The following FBLN1 variants were observed in gnomAD, a reference collection of about 807,000 sequenced individuals.
The protein encoded by FBLN1 is fibulin-1.
FBLN1 carries 34 observed loss-of-function variants against 89.7 expected under a neutral mutation model. That is an observed-to-expected ratio of 0.38 (90% CI 0.29 to 0.50). The LOEUF is 0.50. Ranked by LOEUF, FBLN1 falls within the 20% of genes least tolerant of loss-of-function variation. The pLI is 0.92. For synonymous variants in FBLN1, 393 were observed against 391.3 expected (o/e 1.00, Z -0.05); for missense variants, 777 against 988.1 (o/e 0.79, Z 2.86).
Position 45,557,935 on chromosome 22 carries a change from AT to A in FBLN1, c.1697+7323del. 1.6e-6 allele frequency: 1 copy of A among 642,392 alleles called. No individual in the cohort carries two copies. The highest frequency in any genetic ancestry group is 2.9e-6 in the Non-Finnish European group (1 of 342,730). The allele number at this position is 642,392 out of a possible 1,614,324, so 39.8% of individuals were successfully genotyped here. A position where few individuals can be genotyped will look rare whatever the true frequency, so the allele number is the denominator to read the frequency against. ...GCTTGAAGTTCTGCCCACTGGGAAGATTTCCCTTTGCCACTGTCCTTCAGGG... is the reference window on the plus strand; with the variant it reads ...GCTTGAAGTTCTGCCCACTGGGAAGATTCCCTTTGCCACTGTCCTTCAGGG... On this transcript the variant is annotated intron_variant, in intron 14 of 16. Coordinates refer to ENST00000327858, the MANE Select transcript of FBLN1 (RefSeq NM_006486.3). The surrounding 1 kb of genome is among the most constrained non-coding windows in gnomAD (Gnocchi z 4.9).
rs1172470964 is a variant in FBLN1, at chr22:45,556,471, G to GACCCA, written c.1697+5858_1697+5862dup. Reference sequence around the variant, plus strand: ...TGTTTTTTTTTTTTCCTGGTGGAGTGACCCAAACCTTCATTCCTGAAGGGT... The same window carrying GACCCA: ...TGTTTTTTTTTTTTCCTGGTGGAGTGACCCAACCCAAACCTTCATTCCTGAAGGGT... On this transcript the variant is annotated intron_variant, in intron 14 of 16. Coordinates refer to ENST00000327858, the MANE Select transcript of FBLN1 (RefSeq NM_006486.3). The surrounding 1 kb of genome is among the most constrained non-coding windows in gnomAD (Gnocchi z 4.6). Among the ~76,000 whole-genome samples the GACCCA allele has an allele frequency of 6.6e-6, 1 of 151,360 alleles. No individual in the cohort carries two copies. The highest frequency in any genetic ancestry group is 2.1e-4 in the South Asian group (1 of 4,796).
chr22:45,531,308 G>A lies in FBLN1; in HGVS notation c.528G>A (p.Leu176=), dbSNP rs779677494. 1 of 1,614,004 alleles carries A rather than the reference G, an allele frequency of 6.2e-7. No homozygotes were observed. The highest frequency in any genetic ancestry group is 8.5e-7 in the Non-Finnish European group (1 of 1,179,926). The change falls in exon 5 of 17, where the codon CTG becomes CTA. Residue 176 remains leucine, a synonymous_variant. Transcript: ENST00000327858. The surrounding 1 kb of genome is among the most constrained non-coding windows in gnomAD (Gnocchi z 4.9). ...EVEEEQEDPY[L]NDRCRGGGPC... ...AGGAGGAACAAGAGGACCCATATCTGAATGACCGCTGCCGAGGTGAGACTC... is the reference window on the plus strand; with the variant it reads ...AGGAGGAACAAGAGGACCCATATCTAAATGACCGCTGCCGAGGTGAGACTC...
intron 1 of FBLN1, among the ~76,000 whole-genome samples, chr22:45,506,980 G>A (rs2088030297): frequency 6.6e-6 from 1 of 152,196 alleles, no homozygotes; most frequent in African/African-American, 2.4e-5. Flanking sequence ...TCCTTTCGTA[G>A]GCCCCATATG....
At position 45,578,984 on chromosome 22, in the gene FBLN1, G is replaced by A. The variant is rs774007777; in HGVS notation, c.1972+1876G>A. 4.6e-5 allele frequency among the ~76,000 whole-genome samples: 7 copies of A among 152,346 alleles called. No homozygotes were observed. In the South Asian group the frequency reaches 6.2e-4, roughly 14 times the overall value. The stretch of plus-strand genomic sequence containing the variant: ...TATCAGATCATCAAAATATGATGCC[G>A]AAATAGGCATGCACAGAGACAGGCC... On this transcript the variant is annotated intron_variant, in intron 16 of 16. Coordinates refer to ENST00000327858, the MANE Select transcript of FBLN1 (RefSeq NM_006486.3). This position sits in a 1 kb window ranked among gnomAD's most constrained non-coding sequence, Gnocchi z 4.6.
intron 1 of FBLN1, among the ~76,000 whole-genome samples, chr22:45,518,071 G>A (rs2088193345): frequency 6.8e-6 from 1 of 147,116 alleles, no homozygotes; most frequent in Non-Finnish European, 1.5e-5. Flanking sequence ...GGTGGAGGTT[G>A]CAGTGAGCTC....
rs1601535776 is a variant in FBLN1, at chr22:45,579,886, C to G, written c.1972+2778C>G. On this transcript the variant is annotated intron_variant, in intron 16 of 16. Transcript: ENST00000327858. The surrounding 1 kb of genome is among the most constrained non-coding windows in gnomAD (Gnocchi z 5.5). ...TTCCTGGTCCCTAGGGGCAGCCATCCCGGCACACGGCTCCTGGCCTGTCCA... is the reference window on the plus strand; with the variant it reads ...TTCCTGGTCCCTAGGGGCAGCCATCGCGGCACACGGCTCCTGGCCTGTCCA... 1.3e-5 allele frequency among the ~76,000 whole-genome samples: 2 copies of G among 152,192 alleles called. No individual in the cohort carries two copies. Among genetic ancestry groups the G allele is most frequent in the Admixed American group, 1.3e-4 (2 of 15,300 alleles).
At position 45,579,061 on chromosome 22, in the gene FBLN1, T is replaced by G. The variant is rs2089022025; in HGVS notation, c.1972+1953T>G. ...GGGAAGTCTCCTGGCAGGTTTTACG[T>G]CTTTAGTTCCCACCTACATCCTTCC... On this transcript the variant is annotated intron_variant, in intron 16 of 16. Coordinates refer to ENST00000327858, the MANE Select transcript of FBLN1 (RefSeq NM_006486.3). The surrounding 1 kb of genome is among the most constrained non-coding windows in gnomAD (Gnocchi z 5.5). Among the ~76,000 whole-genome samples the G allele has an allele frequency of 6.6e-6, 1 of 152,160 alleles. No homozygotes were observed. Among genetic ancestry groups the G allele is most frequent in the Non-Finnish European group, 1.5e-5 (1 of 68,034 alleles).
At chr22:45,555,676 A>G (rs1220043847) in intron 14 of FBLN1, among the ~76,000 whole-genome samples, 1 of 152,098 alleles carries the variant, frequency 6.6e-6, no homozygotes, top group African/African-American at 2.4e-5. Context: ...GTATCCTTCA[A>G]TCCAATCAAG....
At position 45,557,353 on chromosome 22, in the gene FBLN1, A is replaced by T. The variant is rs1362443216; in HGVS notation, c.1697+6738A>T. ...AGGACAAACCTCTGCCATTTCCATG[A>T]TGGAAGAGGTCCAGTATAATCAACC... On this transcript the variant is annotated intron_variant, in intron 14 of 16. Coordinates refer to ENST00000327858, the MANE Select transcript of FBLN1 (RefSeq NM_006486.3). The surrounding 1 kb of genome is among the most constrained non-coding windows in gnomAD (Gnocchi z 4.9). Among the ~76,000 whole-genome samples the T allele has an allele frequency of 6.6e-6, 1 of 152,184 alleles. No homozygotes were observed. The highest frequency in any genetic ancestry group is 1.5e-5 in the Non-Finnish European group (1 of 68,026).
At chr22:45,596,526 A>G (rs1411007782) in intron 16 of FBLN1, among the ~76,000 whole-genome samples, 1 of 151,326 alleles carries the variant, frequency 6.6e-6, no homozygotes, top group Non-Finnish European at 1.5e-5. Context: ...AAATATAGAC[A>G]TTTAAGATAA....
At chr22:45,534,178 G>A (rs562941439) in intron 7 of FBLN1, among the ~76,000 whole-genome samples, 6 of 148,506 alleles carry the variant, frequency 4.0e-5, no homozygotes, top group South Asian at 4.3e-4. Flanking sequence ...AAAGATTTAC[G>A]TTCTTATGGT....
rs777461725 is a variant in FBLN1, at chr22:45,563,269, A to G, written c.1698-11242A>G. On this transcript the variant is annotated intron_variant, in intron 14 of 16. Transcript: ENST00000327858. This position sits in a 1 kb window ranked among gnomAD's most constrained non-coding sequence, Gnocchi z 5.7. ...TCTTTGTGTCTGCAGAGCTCTGAGC[A>G]CTCGCTTCGCGTCGCGGGGTCTCCC... 4.3e-6 allele frequency: 7 copies of G among 1,613,420 alleles called. No individual in the cohort carries two copies. The South Asian group carries it at 4.4e-5, about 10-fold the overall frequency.
rs1920925425 is a variant in FBLN1 at position 45,600,503 on chromosome 22, T to G, written c.*57T>G. The G allele has an allele frequency of 6.2e-7, 1 of 1,606,698 alleles. No homozygotes were observed. The highest frequency in any genetic ancestry group is 1.3e-5 in the African/African-American group (1 of 74,770). On this transcript the variant is annotated 3_prime_UTR_variant, in exon 17 of 17. Transcript: ENST00000327858. ...CTCCAGGCCAAATCATTGCTGCCAGTGACTGTGGTCTGTACTTGTTTATAC... is the reference window on the plus strand; with the variant it reads ...CTCCAGGCCAAATCATTGCTGCCAGGGACTGTGGTCTGTACTTGTTTATAC...
At chr22:45,534,028 T>G in intron 7 of FBLN1, 130 bp downstream of exon 7, 1 of 1,270,942 alleles carries the variant, frequency 7.9e-7, no homozygotes, top group Non-Finnish European at 1.1e-6. Flanking sequence ...GACTGCCTGC[T>G]CATCTGCAGG....
Position 45,562,898 on chromosome 22 carries a change from C to T in FBLN1, c.1698-11613C>T, listed in dbSNP as rs372021891. The T allele has an allele frequency of 6.2e-7, 1 of 1,612,688 alleles. No homozygotes were observed. The highest frequency in any genetic ancestry group is 8.5e-7 in the Non-Finnish European group (1 of 1,179,696). ...CTAACCCTCTTCTTGTCTCTCTGCC[C>T]ACTTTTCTTGCAGCCGCTGTGAGCG... On this transcript the variant is annotated intron_variant, in intron 14 of 16. Transcript: ENST00000327858. This position sits in a 1 kb window ranked among gnomAD's most constrained non-coding sequence, Gnocchi z 7.8.
chr22:45,586,269 A>G (rs1307140103), intron 16 of FBLN1, among the ~76,000 whole-genome samples: 1 of 152,188 alleles, frequency 6.6e-6, no homozygotes, highest in Non-Finnish European at 1.5e-5. Context: ...GGACCTGGCT[A>G]GGAAGGGTCG....
At position 45,546,179 on chromosome 22, in the gene FBLN1, C is replaced by CA. The variant is rs34103756; in HGVS notation, c.1322-895dup. On this transcript the variant is annotated intron_variant, in intron 11 of 16. Transcript: ENST00000327858. ...TGGGCGACAGACAAAGACTTTGTCTCAAAAAAAAAAAGAGTGAATGTGGCT... is the reference window on the plus strand; with the variant it reads ...TGGGCGACAGACAAAGACTTTGTCTCAAAAAAAAAAAAGAGTGAATGTGGCT... Among the ~76,000 whole-genome samples the CA allele has an allele frequency of 2.4e-3, 350 of 147,894 alleles. 1 individual carries two copies. The highest frequency in any genetic ancestry group is 3.8e-3 in the Admixed American group (57 of 14,960).
intron 9 of FBLN1, 108 bp downstream of exon 9, chr22:45,541,480 A>G (rs955351983): frequency 1.0e-5 from 14 of 1,392,512 alleles, no homozygotes; most frequent in Non-Finnish European, 1.3e-5. Flanking sequence ...AGCCATTTCT[A>G]TCAGCCCATC....
In FBLN1 at chr22:45,505,857, C is replaced by T. The variant is rs757300740; in HGVS notation, c.79+2793C>T. Among the ~76,000 whole-genome samples, 64 of 152,268 alleles carry T rather than the reference C, an allele frequency of 4.2e-4. No individual in the cohort carries two copies. The Middle Eastern group carries it at 0.017, about 40-fold the overall frequency. On this transcript the variant is annotated intron_variant, in intron 1 of 16. Transcript: ENST00000327858. Reference sequence around the variant, plus strand: ...CATGATCTCGACTCACTGCAACCTCCGCCTCCCGAGTTGAAGCGATTCTCC... The same window carrying T: ...CATGATCTCGACTCACTGCAACCTCTGCCTCCCGAGTTGAAGCGATTCTCC...
Sources: allele counts gnomAD v4.1 joint callset (sites outside exome capture counted in the v4.1 genomes callset), GRCh38; gene constraint gnomAD v4.1.1; non-coding constraint Gnocchi (gnomAD v3.1); transcripts MANE v1.5; gene names NCBI Gene and HGNC (gene_info 2026-07-23, HGNC 2026-07-21).